The following EPHA6 variants were observed in gnomAD, a reference collection of about 807,000 sequenced individuals.
EPHA6 encodes EPH receptor A6, also known as ephrin type-A receptor 6.
EPHA6 carries 50 observed loss-of-function variants against 112.0 expected under a neutral mutation model. The observed-to-expected ratio is 0.45, with a 90% CI of 0.36 to 0.56. The LOEUF (loss-of-function observed/expected upper bound fraction) is 0.56. Among genes scored for constraint, EPHA6 ranks in the 20% least tolerant of loss-of-function variants. The pLI, the probability that EPHA6 is intolerant of heterozygous loss-of-function variation, is 0.00. For missense variants in EPHA6, 1,280 were observed against 1,417.4 expected, an observed-to-expected ratio of 0.90 and a Z score of 1.56; for synonymous variants, 529 against 490.7, an observed-to-expected ratio of 1.08 and a Z score of -1.03.
intron 5 of EPHA6, among the ~76,000 whole-genome samples, chr3:97,276,773 G>C (rs942471614): frequency 6.6e-6 from 1 of 152,134 alleles, no homozygotes; most frequent in Non-Finnish European, 1.5e-5. Flanking sequence ...CCATGAACTG[G>C]GCTGGGTTTT....
At chr3:96,946,961 C>T (rs1316253742) in intron 2 of EPHA6, among the ~76,000 whole-genome samples, 1 of 151,588 alleles carries the variant, frequency 6.6e-6, no homozygotes, top group Admixed American at 6.6e-5. Context: ...CTGTTGGCTG[C>T]ATAAATGTCT....
intron 2 of EPHA6, among the ~76,000 whole-genome samples, chr3:96,954,698 T>C (rs2041684587): frequency 6.6e-6 from 1 of 152,050 alleles, no homozygotes; most frequent in Admixed American, 6.6e-5. Context: ...TAAAAATCCT[T>C]TTCTTTCCAA....
At chr3:97,082,079 T>C (rs1214353866) in intron 3 of EPHA6, among the ~76,000 whole-genome samples, 1 of 151,774 alleles carries the variant, frequency 6.6e-6, no homozygotes, top group African/African-American at 2.4e-5. Context: ...ATGTTTATCA[T>C]GTATAACATG....
At chr3:97,628,746 G>A (rs954760232) in intron 13 of EPHA6, among the ~76,000 whole-genome samples, 1 of 151,728 alleles carries the variant, frequency 6.6e-6, no homozygotes, top group African/African-American at 2.4e-5. Context: ...TAGTAAAGAT[G>A]GCATTTCACC....
At chr3:96,851,012 T>G (rs2035351696) in intron 1 of EPHA6, among the ~76,000 whole-genome samples, 1 of 152,144 alleles carries the variant, frequency 6.6e-6, no homozygotes, top group South Asian at 2.1e-4. Flanking sequence ...TTAACAACTA[T>G]GTGATGTAGT....
At chr3:97,027,156 G>T (rs1348126861) in intron 3 of EPHA6, among the ~76,000 whole-genome samples, 1 of 152,130 alleles carries the variant, frequency 6.6e-6, no homozygotes, top group Non-Finnish European at 1.5e-5. Context: ...GATGGAGCTG[G>T]AGGCCATTAT....
intron 3 of EPHA6, among the ~76,000 whole-genome samples, chr3:97,015,616 A>G (rs1009041541): frequency 2.6e-5 from 4 of 152,230 alleles, no homozygotes; most frequent in African/African-American, 9.6e-5. Flanking sequence ...TGTTTGGGAA[A>G]GGCTCTGAGT....
chr3:97,121,472 A>G (rs1036468567), intron 3 of EPHA6, among the ~76,000 whole-genome samples: 2 of 152,066 alleles, frequency 1.3e-5, no homozygotes, highest in Admixed American at 1.3e-4. Flanking sequence ...GCTTCCTCTC[A>G]CTCACATGTC....
chr3:96,939,242 C>A (rs1366502037), intron 2 of EPHA6, among the ~76,000 whole-genome samples: 1 of 152,038 alleles, frequency 6.6e-6, no homozygotes, highest in African/African-American at 2.4e-5. Flanking sequence ...GTCCTGGAAT[C>A]TTTTTCGTTG....
At chr3:97,579,089 T>A (rs1166695436) in intron 11 of EPHA6, among the ~76,000 whole-genome samples, 1 of 152,238 alleles carries the variant, frequency 6.6e-6, no homozygotes, top group Non-Finnish European at 1.5e-5. Flanking sequence ...TTTGCTAGAT[T>A]ATAGCTAAAT....
rs150719638 is a variant in EPHA6 at position 96,833,943 on chromosome 3, T to A, written c.385+18935T>A. Among the ~76,000 whole-genome samples, 125 of 152,036 alleles carry A rather than the reference T, an allele frequency of 8.2e-4. 1 individual carries two copies. Among genetic ancestry groups the A allele is most frequent in the African/African-American group, 2.7e-3 (113 of 41,518 alleles). On this transcript the variant is annotated intron_variant, in intron 1 of 17. Coordinates refer to ENST00000389672, the MANE Select transcript of EPHA6 (RefSeq NM_001080448.3). ...CTAATAAAATTAAAAATTAAAAAAA[T>A]TTCCCAAAGCTAACTGACAACAACA... is the stretch of plus-strand genomic sequence containing the variant.
At chr3:97,418,512 C>T (rs1344113737) in intron 6 of EPHA6, among the ~76,000 whole-genome samples, 1 of 152,116 alleles carries the variant, frequency 6.6e-6, no homozygotes, top group Non-Finnish European at 1.5e-5. Context: ...CTTAAAGCAG[C>T]TGTCTTACCA....
chr3:97,570,739 A>G (rs900135674), intron 11 of EPHA6, among the ~76,000 whole-genome samples: 18 of 152,194 alleles, frequency 1.2e-4, no homozygotes, highest in African/African-American at 4.3e-4. Context: ...AAAAAAAAAA[A>G]AAGTATTATG....
At chr3:97,302,815 TG>T in intron 5 of EPHA6, among the ~76,000 whole-genome samples, 1 of 152,056 alleles carries the variant, frequency 6.6e-6, no homozygotes, top group East Asian at 1.9e-4. Context: ...CTATATTCAA[TG>T]GAAATATTTC....
intron 7 of EPHA6, among the ~76,000 whole-genome samples, chr3:97,464,061 A>G (rs889916258): frequency 6.6e-6 from 1 of 152,166 alleles, no homozygotes; most frequent in Non-Finnish European, 1.5e-5. Context: ...TTTGTGCTCT[A>G]AAGACTAGTT....
intron 1 of EPHA6, among the ~76,000 whole-genome samples, chr3:96,864,689 G>T (rs1249916405): frequency 1.3e-5 from 2 of 151,964 alleles, no homozygotes; most frequent in Admixed American, 1.3e-4. Flanking sequence ...GATTTGTTGT[G>T]AGTCAAACAA....
At chr3:97,565,827 A>T (rs1052880653) in intron 11 of EPHA6, among the ~76,000 whole-genome samples, 6 of 151,806 alleles carry the variant, frequency 4.0e-5, no homozygotes, top group Admixed American at 3.9e-4. Flanking sequence ...GACCATCCTG[A>T]GCAACATGGT....
At chr3:97,459,120 T>C (rs1394644338) in intron 7 of EPHA6, among the ~76,000 whole-genome samples, 1 of 152,134 alleles carries the variant, frequency 6.6e-6, no homozygotes, top group Non-Finnish European at 1.5e-5. Context: ...AGGGACCAGA[T>C]GAGGGAATTG....
intron 11 of EPHA6, among the ~76,000 whole-genome samples, chr3:97,539,114 TTC>T (rs1322039979): frequency 6.0e-5 from 9 of 149,510 alleles, no homozygotes; most frequent in African/African-American, 2.2e-4. Context: ...CTTTCTTTCT[TTC>T]TTTCTTTCTT....
Sources: allele counts gnomAD v4.1 joint callset (sites outside exome capture counted in the v4.1 genomes callset), GRCh38; gene constraint gnomAD v4.1.1; transcripts MANE v1.5; gene names NCBI Gene and HGNC (gene_info 2026-07-23, HGNC 2026-07-21).